Variants in SLC1A1 observed in about 807,000 individuals in gnomAD.
SLC1A1 encodes the protein solute carrier family 1 member 1.
A neutral mutation model predicts 53.3 loss-of-function variants in SLC1A1; 43 were observed. The ratio of observed to expected loss-of-function variants is 0.81; its 90% CI spans 0.63 to 1.04. The LOEUF (loss-of-function observed/expected upper bound fraction) is 1.04, where lower values mean the gene tolerates loss of function less well. Among genes scored for constraint, SLC1A1 ranks in the 50% least tolerant of loss-of-function variants. SLC1A1 has a pLI of 0.00. For missense variants in SLC1A1, 748 were observed against 664.9 expected (o/e 1.12, Z -1.37); for synonymous variants, 307 against 243.2 (o/e 1.26, Z -2.44).
At chr9:4,493,283 C>T (rs1820300424) in intron 1 of SLC1A1, among the ~76,000 whole-genome samples, 1 of 152,154 alleles carries the variant, frequency 6.6e-6, no homozygotes, top group Non-Finnish European at 1.5e-5. Context: ...AACAGGGGTC[C>T]TTTTCTTGTC....
chr9:4,565,937 G>A, intron 4 of SLC1A1, 110 bp from the exon 5 acceptor site: 4 of 873,132 alleles, frequency 4.6e-6, no homozygotes, highest in Non-Finnish European at 7.9e-6. Context: ...GGGGCCAGAA[G>A]AGAAACCAGA....
At chr9:4,523,815 T>C (rs1816167609) in intron 1 of SLC1A1, among the ~76,000 whole-genome samples, 1 of 152,248 alleles carries the variant, frequency 6.6e-6, no homozygotes, top group African/African-American at 2.4e-5. Context: ...ATGAGGTTGA[T>C]ATTTTGTTCT....
chr9:4,521,908 G>A (rs978055955), intron 1 of SLC1A1, among the ~76,000 whole-genome samples: 41 of 152,264 alleles, frequency 2.7e-4, no homozygotes, highest in African/African-American at 9.1e-4. Context: ...CCAGTTGCTT[G>A]AGGCTTGCAG....
chr9:4,560,128 C>G (rs1332090586), intron 2 of SLC1A1: 1 of 152,312 alleles, frequency 6.6e-6, no homozygotes, highest in Admixed American at 6.5e-5. Flanking sequence ...TTATTAATAT[C>G]TTTCCTTTTT....
At chr9:4,493,174 A>T (rs1820297458) in intron 1 of SLC1A1, among the ~76,000 whole-genome samples, 1 of 152,206 alleles carries the variant, frequency 6.6e-6, no homozygotes, top group Admixed American at 6.5e-5. Flanking sequence ...TGCCCAGCTG[A>T]AATCTTCCTA....
chr9:4,574,188 G>A (rs983965836), intron 8 of SLC1A1, among the ~76,000 whole-genome samples, 174 bp downstream of exon 8: 1 of 152,172 alleles, frequency 6.6e-6, no homozygotes, highest in Non-Finnish European at 1.5e-5. Context: ...CTGTACTGTA[G>A]GTGGATCATG....
At chr9:4,529,355 G>C (rs1816382706) in intron 1 of SLC1A1, among the ~76,000 whole-genome samples, 1 of 152,152 alleles carries the variant, frequency 6.6e-6, no homozygotes. Flanking sequence ...AATGTGCCAA[G>C]ATATCCCAGA....
intron 1 of SLC1A1, among the ~76,000 whole-genome samples, chr9:4,517,899 A>C (rs551661404): frequency 1.3e-5 from 2 of 152,168 alleles, no homozygotes; most frequent in Non-Finnish European, 2.9e-5. Flanking sequence ...ATGTCAACTG[A>C]AAATTGTTGA....
At chr9:4,510,371 G>A (rs1820960154) in intron 1 of SLC1A1, among the ~76,000 whole-genome samples, 1 of 152,132 alleles carries the variant, frequency 6.6e-6, no homozygotes, top group Non-Finnish European at 1.5e-5. Flanking sequence ...GAATACCAGT[G>A]GCAGCTTCTC....
chr9:4,567,791 T>C (rs756243724), intron 6 of SLC1A1, 24 bp downstream of exon 6: 78 of 1,398,562 alleles, frequency 5.6e-5, no homozygotes, highest in Non-Finnish European at 1.0e-6. Flanking sequence ...TTCCTGTTCC[T>C]CTTCCCCAGG....
chr9:4,560,967 G>T (rs776522456), intron 2 of SLC1A1, among the ~76,000 whole-genome samples: 2 of 151,970 alleles, frequency 1.3e-5, no homozygotes, highest in Non-Finnish European at 2.9e-5. Flanking sequence ...TTGCACTCCA[G>T]CCTGGGTGAC....
At chr9:4,579,105 A>C (rs1350826931) in intron 10 of SLC1A1, among the ~76,000 whole-genome samples, 1 of 152,232 alleles carries the variant, frequency 6.6e-6, no homozygotes, top group Non-Finnish European at 1.5e-5. Context: ...ACAAGTGCAA[A>C]ATACACCATT....
At chr9:4,526,240 A>G (rs897431159) in intron 1 of SLC1A1, among the ~76,000 whole-genome samples, 1 of 152,236 alleles carries the variant, frequency 6.6e-6, no homozygotes, top group African/African-American at 2.4e-5. Flanking sequence ...GAAAGAATTT[A>G]TTAGATAAGA....
intron 1 of SLC1A1, among the ~76,000 whole-genome samples, chr9:4,509,713 C>T (rs974585481): frequency 4.6e-5 from 7 of 152,100 alleles, no homozygotes; most frequent in Non-Finnish European, 8.8e-5. Context: ...GAGGGTGAAT[C>T]GGAGGGCAAA....
intron 1 of SLC1A1, among the ~76,000 whole-genome samples, chr9:4,530,571 G>A (rs1217801809): frequency 2.0e-5 from 3 of 152,112 alleles, no homozygotes; most frequent in Admixed American, 6.5e-5. Context: ...GAGTCAGACC[G>A]AATTCTTAAT....
chr9:4,544,440 T>C, intron 1 of SLC1A1, 127 bp from the exon 2 acceptor site: 1 of 822,352 alleles, frequency 1.2e-6, no homozygotes, highest in African/African-American at 1.7e-5. Context: ...TACAGACTCA[T>C]GGGAAATGAT....
intron 2 of SLC1A1, among the ~76,000 whole-genome samples, chr9:4,551,793 G>C (rs565979121): frequency 2.2e-4 from 34 of 152,284 alleles, no homozygotes; most frequent in African/African-American, 8.2e-4. Flanking sequence ...TGCACTTTAA[G>C]TGCTCCTTTC....
rs1175919098 is a variant in SLC1A1, at chr9:4,556,027, T to G, written c.233-5422T>G. On this transcript the variant is annotated intron_variant, in intron 2 of 11. Coordinates refer to ENST00000262352, the MANE Select transcript of SLC1A1 (RefSeq NM_004170.6). The surrounding 1 kb of genome is among the most constrained non-coding windows in gnomAD (Gnocchi z 4.1). ...TTTTGAGATGGAGTTTCACTCCTGT[T>G]GCCCAGGCTGAAGTGCAGTGGCATG... Among the ~76,000 whole-genome samples the G allele has an allele frequency of 6.6e-6, 1 of 151,706 alleles. No homozygotes were observed. The highest frequency in any genetic ancestry group is 2.4e-5 in the African/African-American group (1 of 41,284).
chr9:4,576,020 G>C lies in SLC1A1; in HGVS notation c.895G>C (p.Val299Leu), dbSNP rs756553278. 1.9e-6 allele frequency: 3 copies of C among 1,613,986 alleles called. No homozygotes were observed. Among genetic ancestry groups the C allele is most frequent in the African/African-American group, 2.7e-5 (2 of 74,936 alleles). Reference protein sequence around the residue: ...VLTGLAIHSIVILPLIYFIVV... With the variant: ...VLTGLAIHSILILPLIYFIVV... ...TTACAGGCTTGCAATCCACTCCATT[G>C]TAATTCTCCCGCTGATATATTTCAT... Residue 299 changes from valine (V) to leucine (L), a missense_variant, in exon 9 of 12, where the codon GTA becomes CTA. Val to Leu is a conservative substitution (Grantham distance 32, BLOSUM62 1). Coordinates refer to ENST00000262352, the MANE Select transcript of SLC1A1 (RefSeq NM_004170.6).
Sources: gnomAD v4.1 joint callset for allele counts (sites outside exome capture counted in the v4.1 genomes callset) on GRCh38, gnomAD v4.1.1 for gene constraint, Gnocchi (gnomAD v3.1) non-coding constraint, MANE v1.5 for transcripts, NCBI Gene and HGNC (gene_info 2026-07-23, HGNC 2026-07-21) for gene names.